Variants in ARL1 observed in about 807,000 individuals in gnomAD.
ARL1 encodes the protein ARF like GTPase 1.
Under a neutral mutation model 30.1 loss-of-function variants are expected in ARL1, and 17 were observed. The observed-to-expected ratio is 0.56, with a 90% CI of 0.39 to 0.85. ARL1 has a LOEUF of 0.85. ARL1 is among the 40% of genes least tolerant of loss of function. ARL1 has a pLI of 0.00. For synonymous variants in ARL1, 58 were observed against 71.7 expected, an observed-to-expected ratio of 0.81 and a Z score of 0.97; for missense variants, 102 against 212.6, an observed-to-expected ratio of 0.48 and a Z score of 3.24.
At chr12:101,406,618 A>T (rs1282389070) in intron 1 of ARL1, among the ~76,000 whole-genome samples, 1 of 152,210 alleles carries the variant, frequency 6.6e-6, no homozygotes, top group African/African-American at 2.4e-5. Flanking sequence ...ATTAGAGAAG[A>T]TTAAAAACAA....
chr12:101,398,685 G>A (rs1871219944), intron 4 of ARL1, among the ~76,000 whole-genome samples: 1 of 151,990 alleles, frequency 6.6e-6, no homozygotes, highest in African/African-American at 2.4e-5. Flanking sequence ...TGATCCACCT[G>A]CCTCGGCCTC....
At chr12:101,402,440 G>T (rs1871329601) in intron 3 of ARL1, among the ~76,000 whole-genome samples, 1 of 152,164 alleles carries the variant, frequency 6.6e-6, no homozygotes, top group South Asian at 2.1e-4. Flanking sequence ...GCCCACCTCG[G>T]CCTCCCAAAG....
At chr12:101,402,985 T>C (rs1356995790) in intron 2 of ARL1, 39 bp from the exon 3 acceptor site, 3 of 1,371,164 alleles carry the variant, frequency 2.2e-6, no homozygotes, top group Non-Finnish European at 3.1e-6. Context: ...TGTAGACTAA[T>C]ACATTCCACC....
At chr12:101,401,737 T>G (rs1001548479) in intron 3 of ARL1, among the ~76,000 whole-genome samples, 2 of 150,198 alleles carry the variant, frequency 1.3e-5, no homozygotes, top group African/African-American at 4.9e-5. Context: ...GCTGACAAAA[T>G]TTATTTATAA....
At position 101,393,254 on chromosome 12, in the gene ARL1, C is replaced by T. The variant is rs2121096292; in HGVS notation, c.*2386G>A. 1 of 151,774 alleles carries T rather than the reference C, an allele frequency of 6.6e-6. No homozygotes were observed. Among genetic ancestry groups the T allele is most frequent in the Non-Finnish European group, 1.5e-5 (1 of 67,942 alleles). The allele number at this position is 151,774 out of a possible 1,614,324, so 9.4% of individuals were successfully genotyped here. A position where few individuals can be genotyped will look rare whatever the true frequency, so the allele number is the denominator to read the frequency against. ...GTCCCTGCCCTCAGAGCTTACATTT[C>T]AACAGTTTAAAGTGCATCTCAGGTA... On this transcript the variant is annotated 3_prime_UTR_variant, in exon 6 of 6. Transcript: ENST00000261636.
At chr12:101,404,351 T>C (rs1408285380) in intron 2 of ARL1, among the ~76,000 whole-genome samples, 2 of 152,168 alleles carry the variant, frequency 1.3e-5, no homozygotes, top group Non-Finnish European at 2.9e-5. Context: ...AATGTGCCAC[T>C]GCACTCCAGC....
intron 5 of ARL1, 80 bp downstream of exon 5, chr12:101,396,319 G>A (rs11110778): frequency 0.16 from 241,926 of 1,559,078 alleles, 20,406 homozygotes; most frequent in Middle Eastern, 0.19. Context: ...TCCTCAACAC[G>A]GGAGAAAAAT....
rs1264439759 is a variant in ARL1 at position 101,395,150 on chromosome 12, A to G, written c.*490T>C. The G allele has an allele frequency of 1.3e-5, 2 of 152,910 alleles. No homozygotes were observed. Among genetic ancestry groups the G allele is most frequent in the African/African-American group, 4.8e-5 (2 of 41,478 alleles). The allele number at this position is 152,910 out of a possible 1,614,324, so 9.5% of individuals were successfully genotyped here. A position where few individuals can be genotyped will look rare whatever the true frequency, so the allele number is the denominator to read the frequency against. On this transcript the variant is annotated 3_prime_UTR_variant, in exon 6 of 6. Transcript: ENST00000261636. ...CAAAAGCTTTTAAACAAAACAGCTT[A>G]ATAAAAAGTGGTCAGGTAAGCAAAT...
In ARL1 at chr12:101,393,949, T is replaced by A. The variant is rs758558331; in HGVS notation, c.*1691A>T. On this transcript the variant is annotated 3_prime_UTR_variant, in exon 6 of 6. Coordinates refer to ENST00000261636, the MANE Select transcript of ARL1 (RefSeq NM_001177.6). The stretch of plus-strand genomic sequence containing the variant: ...TCCTACTGTTTCAACTATGAACATA[T>A]TCTGAAATGCCATATGCCAGGCGCC... 13 of 151,406 alleles carry A rather than the reference T, an allele frequency of 8.6e-5. No homozygotes were observed. The highest frequency in any genetic ancestry group is 2.1e-4 in the South Asian group (1 of 4,778). 9.4% of individuals were successfully genotyped at this position (151,406 alleles called of 1,614,324 possible).
intron 1 of ARL1, 115 bp downstream of exon 1, chr12:101,407,527 C>T: frequency 1.4e-6 from 2 of 1,412,378 alleles, no homozygotes; most frequent in South Asian, 1.2e-5. Flanking sequence ...GCGACCCGCC[C>T]CCTGAGGAGC....
At position 101,395,479 on chromosome 12, in the gene ARL1, A is replaced by G; in HGVS notation, c.*161T>C. 1 of 590,854 alleles carries G rather than the reference A, an allele frequency of 1.7e-6. No homozygotes were observed. Among genetic ancestry groups the G allele is most frequent in the Admixed American group, 3.2e-5 (1 of 30,846 alleles). 36.6% of individuals were successfully genotyped at this position (590,854 alleles called of 1,614,324 possible). On this transcript the variant is annotated 3_prime_UTR_variant, in exon 6 of 6. Coordinates refer to ENST00000261636, the MANE Select transcript of ARL1 (RefSeq NM_001177.6). ...GTGATTCGATCAAATTATCCCTCCA[A>G]CTAAATACTTATTTTCCCTATTTAC...
At chr12:101,404,197 T>G (rs1316195442) in intron 2 of ARL1, among the ~76,000 whole-genome samples, 4 of 152,092 alleles carry the variant, frequency 2.6e-5, no homozygotes, top group Non-Finnish European at 4.4e-5. Context: ...GTAAAAAACA[T>G]CGTTTATATG....
At chr12:101,407,284 C>A (rs576913716) in intron 1 of ARL1, 14 of 304,450 alleles carry the variant, frequency 4.6e-5, no homozygotes, top group African/African-American at 3.0e-4. Flanking sequence ...GAACCTGCGA[C>A]TGACGCGTTG....
intron 1 of ARL1, among the ~76,000 whole-genome samples, chr12:101,406,377 G>A (rs1326159633): frequency 4.6e-5 from 7 of 152,130 alleles, no homozygotes; most frequent in Non-Finnish European, 1.0e-4. Flanking sequence ...GAAAAGTACT[G>A]TACAGCAGCA....
intron 4 of ARL1, among the ~76,000 whole-genome samples, chr12:101,397,753 C>T (rs1158220830): frequency 1.3e-5 from 2 of 152,084 alleles, no homozygotes; most frequent in Admixed American, 6.5e-5. Context: ...CCACCCGCCT[C>T]GGCCTCCCAA....
Position 101,407,746 on chromosome 12 carries a change from C to T in ARL1, c.-101G>A. On this transcript the variant is annotated 5_prime_UTR_variant, in exon 1 of 6. Coordinates refer to ENST00000261636, the MANE Select transcript of ARL1 (RefSeq NM_001177.6). The stretch of plus-strand genomic sequence containing the variant: ...CGCAAGCCCAGTCAGCCAGCAACTT[C>T]CACGTCGGACTCCAGGCGGGGGCGG... 4 of 1,545,710 alleles carry T rather than the reference C, an allele frequency of 2.6e-6. No individual in the cohort carries two copies. The highest frequency in any genetic ancestry group is 1.1e-5 in the South Asian group (1 of 89,804).
In ARL1 at chr12:101,393,389, G is replaced by A. The variant is rs1871062473; in HGVS notation, c.*2251C>T. ...AATACAATGTTAGAAAGAAACGTTT[G>A]GTATCATTCGTCCAGATCCCATTTT... is the stretch of plus-strand genomic sequence containing the variant. On this transcript the variant is annotated 3_prime_UTR_variant, in exon 6 of 6. Transcript: ENST00000261636. 1 of 151,880 alleles carries A rather than the reference G, an allele frequency of 6.6e-6. No individual in the cohort carries two copies. The highest frequency in any genetic ancestry group is 1.5e-5 in the Non-Finnish European group (1 of 67,976). The allele number at this position is 151,880 out of a possible 1,614,324, so 9.4% of individuals were successfully genotyped here.
chr12:101,404,604 T>C (rs1475250893), intron 2 of ARL1, among the ~76,000 whole-genome samples: 1 of 152,194 alleles, frequency 6.6e-6, no homozygotes, highest in African/African-American at 2.4e-5. Context: ...TTCGTTTTAG[T>C]CCATAAATTT....
rs2121099010 is a variant in ARL1 at position 101,394,296 on chromosome 12, T to G, written c.*1344A>C. 1 of 152,286 alleles carries G rather than the reference T, an allele frequency of 6.6e-6. No individual in the cohort carries two copies. Among genetic ancestry groups the G allele is most frequent in the South Asian group, 2.1e-4 (1 of 4,824 alleles). The allele number at this position is 152,286 out of a possible 1,614,324, so 9.4% of individuals were successfully genotyped here. ...CCTGCAGGGAACCATGGTATTAAGC[T>G]CTCATTACCAGCACCTAATTTTTTA... On this transcript the variant is annotated 3_prime_UTR_variant, in exon 6 of 6. Coordinates refer to ENST00000261636, the MANE Select transcript of ARL1 (RefSeq NM_001177.6).
Sources: allele counts gnomAD v4.1 joint callset (sites outside exome capture counted in the v4.1 genomes callset), GRCh38; gene constraint gnomAD v4.1.1; transcripts MANE v1.5; gene names NCBI Gene and HGNC (gene_info 2026-07-23, HGNC 2026-07-21).